The following HRH1 variants were observed in gnomAD, a reference collection of about 807,000 sequenced individuals.
HRH1 encodes histamine H1 receptor.
Under a neutral mutation model 10.3 loss-of-function variants are expected in HRH1, and 6 were observed. The ratio of observed to expected loss-of-function variants is 0.58; its 90% CI spans 0.32 to 1.15. The LOEUF (loss-of-function observed/expected upper bound fraction) is 1.15, where lower values mean the gene tolerates loss of function less well. Ranked by LOEUF, HRH1 falls within the 50% of genes most tolerant of loss-of-function variation. The pLI is 0.05. For synonymous variants in HRH1, 242 were observed against 236.7 expected, an observed-to-expected ratio of 1.02 and a Z score of -0.21; for missense variants, 514 against 615.3, an observed-to-expected ratio of 0.84 and a Z score of 1.74.
chr3:11,193,000 T>C (rs557322905), intron 1 of HRH1, among the ~76,000 whole-genome samples: 18 of 152,372 alleles, frequency 1.2e-4, no homozygotes, highest in Admixed American at 9.8e-4. Context: ...TGCTTTATCA[T>C]GTTTTAGGAG....
chr3:11,160,612 C>T (rs1286363173), intron 1 of HRH1, among the ~76,000 whole-genome samples: 3 of 152,172 alleles, frequency 2.0e-5, no homozygotes, highest in Admixed American at 6.5e-5. Context: ...TCTTCCCCAC[C>T]TTTCTTTCCT....
Position 11,260,315 on chromosome 3 carries a change from C to T in HRH1, c.1278C>T (p.Leu426=), listed in dbSNP as rs1384666458. The change falls in exon 2 of 2, where the codon CTC becomes CTT. Residue 426 remains leucine, a synonymous_variant. Coordinates refer to ENST00000431010, the MANE Select transcript of HRH1 (RefSeq NM_001098212.2). ...GTTTTATCATGGCAGCCTTCATCCT[C>T]TGCTGGATCCCTTATTTCATCTTCT... ...QLGFIMAAFI[L]CWIPYFIFFM... 6.2e-7 allele frequency: 1 copy of T among 1,614,108 alleles called. No homozygotes were observed. The highest frequency in any genetic ancestry group is 8.5e-7 in the Non-Finnish European group (1 of 1,180,038).
intron 1 of HRH1, among the ~76,000 whole-genome samples, chr3:11,144,278 C>T (rs1264025550): frequency 6.6e-6 from 1 of 150,612 alleles, no homozygotes; most frequent in East Asian, 2.0e-4. Context: ...CTATTCACAA[C>T]AACAAAATCA....
chr3:11,205,931 A>G (rs1251578963), intron 1 of HRH1, among the ~76,000 whole-genome samples: 1 of 152,018 alleles, frequency 6.6e-6, no homozygotes, highest in African/African-American at 2.4e-5. Flanking sequence ...AAGTGCTGAG[A>G]TTACAGGCGT....
intron 1 of HRH1, among the ~76,000 whole-genome samples, chr3:11,168,530 C>T (rs1408037877): frequency 1.3e-5 from 2 of 152,206 alleles, no homozygotes; most frequent in Non-Finnish European, 2.9e-5. Context: ...GCATAAGGGA[C>T]ATCTCTCTGA....
chr3:11,202,822 G>A (rs1937980510), intron 1 of HRH1, among the ~76,000 whole-genome samples: 1 of 152,162 alleles, frequency 6.6e-6, no homozygotes, highest in African/African-American at 2.4e-5. Context: ...ACTTTCTGTG[G>A]GTTTGGACAA....
intron 1 of HRH1, among the ~76,000 whole-genome samples, chr3:11,222,396 G>A (rs1195539034): frequency 6.6e-6 from 1 of 152,174 alleles, no homozygotes; most frequent in Non-Finnish European, 1.5e-5. Flanking sequence ...GTTTCTGTGT[G>A]ATTATATATC....
At chr3:11,171,133 T>G (rs1344004861) in intron 1 of HRH1, among the ~76,000 whole-genome samples, 3 of 151,594 alleles carry the variant, frequency 2.0e-5, no homozygotes, top group Non-Finnish European at 4.4e-5. Context: ...CTTTTTTTTT[T>G]TTTGAGACAG....
chr3:11,170,159 T>A (rs978196713), intron 1 of HRH1, among the ~76,000 whole-genome samples: 1 of 152,190 alleles, frequency 6.6e-6, no homozygotes, highest in African/African-American at 2.4e-5. Context: ...AGTGTTATGA[T>A]CCGTTCAAGG....
intron 1 of HRH1, among the ~76,000 whole-genome samples, chr3:11,172,859 G>A (rs542164085): frequency 6.6e-6 from 1 of 151,746 alleles, no homozygotes; most frequent in Non-Finnish European, 1.5e-5. Context: ...CCGCCTCCAC[G>A]CCCAGCTAAT....
chr3:11,259,270 C>G lies in HRH1; in HGVS notation c.233C>G (p.Ala78Gly). 6.2e-7 allele frequency: 1 copy of G among 1,610,646 alleles called. No individual in the cohort carries two copies. ...TCGGTGGCGGACTTGATCGTGGGTG[C>G]CGTCGTCATGCCTATGAACATCCTC... Reference protein sequence around the residue: ...SLSVADLIVGAVVMPMNILYL... With the variant: ...SLSVADLIVGGVVMPMNILYL... The change falls in exon 2 of 2, where the codon GCC (alanine) becomes GGC (glycine). Residue 78 changes from alanine (A) to glycine (G), a missense_variant. Transcript: ENST00000431010. This position sits in a 1 kb window ranked among gnomAD's most constrained non-coding sequence, Gnocchi z 4.6.
intron 1 of HRH1, among the ~76,000 whole-genome samples, chr3:11,215,320 G>A (rs531436880): frequency 5.9e-5 from 9 of 152,214 alleles, no homozygotes; most frequent in Non-Finnish European, 1.0e-4. Flanking sequence ...GAATAAACAA[G>A]TTTGGAAACA....
intron 1 of HRH1, among the ~76,000 whole-genome samples, chr3:11,205,602 C>T (rs911863645): frequency 6.6e-6 from 1 of 152,054 alleles, no homozygotes; most frequent in South Asian, 2.1e-4. Flanking sequence ...CATGAGCTCT[C>T]CCAGCACCCC....
intron 1 of HRH1, among the ~76,000 whole-genome samples, chr3:11,144,125 T>C (rs1028010751): frequency 6.6e-6 from 1 of 152,072 alleles, no homozygotes; most frequent in Admixed American, 6.5e-5. Context: ...GTACAACCTC[T>C]ATGGAAACCA....
chr3:11,219,312 G>A (rs1051438660), intron 1 of HRH1, among the ~76,000 whole-genome samples: 7 of 152,196 alleles, frequency 4.6e-5, no homozygotes, highest in African/African-American at 1.4e-4. Context: ...GATGGATGGT[G>A]GCGATGAGTT....
At chr3:11,248,436 G>T (rs347591) in intron 1 of HRH1, among the ~76,000 whole-genome samples, 88,428 of 152,002 alleles carry the variant, frequency 0.58, 26,311 homozygotes, top group East Asian at 0.71. Flanking sequence ...AAAGGATCCA[G>T]GAGGGACGTG....
chr3:11,167,964 G>T (rs1937079584), intron 1 of HRH1, among the ~76,000 whole-genome samples: 1 of 152,176 alleles, frequency 6.6e-6, no homozygotes, highest in African/African-American at 2.4e-5. Context: ...CCTTCCTAGG[G>T]CTTCCATTCC....
At chr3:11,212,630 C>T (rs553475371) in intron 1 of HRH1, among the ~76,000 whole-genome samples, 5 of 152,134 alleles carry the variant, frequency 3.3e-5, no homozygotes, top group Middle Eastern at 3.2e-3. Context: ...CCCTTCCATG[C>T]GTTGTTTCTA....
intron 1 of HRH1, among the ~76,000 whole-genome samples, chr3:11,249,956 A>G (rs914411511): frequency 5.9e-5 from 9 of 151,786 alleles, no homozygotes; most frequent in African/African-American, 2.2e-4. Flanking sequence ...GGTGAGTTAG[A>G]CTTAGTAACA....
Sources: allele counts gnomAD v4.1 joint callset (sites outside exome capture counted in the v4.1 genomes callset), GRCh38; gene constraint gnomAD v4.1.1; non-coding constraint Gnocchi (gnomAD v3.1); transcripts MANE v1.5; gene names NCBI Gene and HGNC (gene_info 2026-07-23, HGNC 2026-07-21).